The following NCAPG variants were observed in gnomAD, a reference collection of about 807,000 sequenced individuals.
NCAPG encodes condensin complex subunit 3.
Under a neutral mutation model 113.1 loss-of-function variants are expected in NCAPG, and 69 were observed. That is an observed-to-expected ratio of 0.61 (90% CI 0.50 to 0.75). The LOEUF is 0.75. NCAPG is among the 30% of genes least tolerant of loss of function. The pLI, the probability that NCAPG is intolerant of heterozygous loss-of-function variation, is 0.00. For missense variants in NCAPG, 1,058 were observed against 1,177.0 expected (o/e 0.90, Z 1.48); for synonymous variants, 370 against 415.8 (o/e 0.89, Z 1.34).
At chr4:17,833,581 T>C (rs545907366) in intron 13 of NCAPG, among the ~76,000 whole-genome samples, 30 of 151,622 alleles carry the variant, frequency 2.0e-4, no homozygotes, top group Non-Finnish European at 3.7e-4. Context: ...TTTTAATATC[T>C]TAATTAAATC....
Position 17,840,167 on chromosome 4 carries a change from C to A in NCAPG, c.2725C>A (p.Gln909Lys). 6.2e-7 allele frequency: 1 copy of A among 1,610,150 alleles called. No homozygotes were observed. The highest frequency in any genetic ancestry group is 8.5e-7 in the Non-Finnish European group (1 of 1,178,444). The change falls in exon 18 of 21, where the codon CAG becomes AAG. Residue 909 changes from glutamine to lysine, a missense_variant. Transcript: ENST00000251496. ...KEFGDQAEAA[Q>K]DATLTTTTFQ... The stretch of plus-strand genomic sequence containing the variant: ...ATTTGGTGACCAAGCTGAAGCAGCA[C>A]AGGATGCCACCTTGACTACAACTAC...
Position 17,825,002 on chromosome 4 carries a change from T to C in NCAPG, c.1418T>C (p.Ile473Thr). The change falls in exon 10 of 21, where the codon ATT becomes ACT. Residue 473 changes from isoleucine (I) to threonine (T), a missense_variant. By Grantham distance (89) the Ile-to-Thr change is moderately conservative. Coordinates refer to ENST00000251496, the MANE Select transcript of NCAPG (RefSeq NM_022346.5). Reference sequence around the variant, plus strand: ...ATTATCTCAGAGATTCGGGCGCCCATTGTTACTGTTGGTGTTAATAACGAT... The same window carrying C: ...ATTATCTCAGAGATTCGGGCGCCCACTGTTACTGTTGGTGTTAATAACGAT... ...TEIISEIRAP[I>T]VTVGVNNDPA... 6.2e-7 allele frequency: 1 copy of C among 1,612,912 alleles called. No homozygotes were observed. Among genetic ancestry groups the C allele is most frequent in the South Asian group, 1.1e-5 (1 of 90,998 alleles).
chr4:17,838,498 G>A (rs967744657), intron 16 of NCAPG, among the ~76,000 whole-genome samples: 1 of 152,118 alleles, frequency 6.6e-6, no homozygotes, highest in African/African-American at 2.4e-5. Context: ...TTGAGACAAG[G>A]GCAAGAGTCA....
At chr4:17,831,541 G>C (rs1721869414) in intron 13 of NCAPG, among the ~76,000 whole-genome samples, 2 of 152,092 alleles carry the variant, frequency 1.3e-5, no homozygotes, top group Non-Finnish European at 2.9e-5. Context: ...TTAAGCAGTG[G>C]GAAGGAGGAG....
chr4:17,826,138 T>C (rs1721649832), intron 11 of NCAPG, among the ~76,000 whole-genome samples: 1 of 152,144 alleles, frequency 6.6e-6, no homozygotes, highest in Non-Finnish European at 1.5e-5. Context: ...AAATGGAGTA[T>C]GTCTTTCCTT....
intron 10 of NCAPG, 109 bp from the exon 11 acceptor site, chr4:17,825,273 C>T (rs141944668): frequency 1.6e-5 from 16 of 1,009,332 alleles, no homozygotes; most frequent in Non-Finnish European, 7.2e-6. Context: ...ATATGCCTGA[C>T]TCATTAAATT....
intron 16 of NCAPG, 101 bp downstream of exon 16, chr4:17,837,902 CTTCT>C: frequency 7.7e-7 from 1 of 1,294,860 alleles, no homozygotes; most frequent in Non-Finnish European, 1.1e-6. Flanking sequence ...GGTCTTTAGA[CTTCT>C]GTCTCAAGCA....
intron 20 of NCAPG, chr4:17,842,617 G>T: frequency 2.5e-6 from 1 of 396,758 alleles, no homozygotes; most frequent in South Asian, 3.5e-5. Flanking sequence ...TTAATATGTT[G>T]TTTCAATTTT....
In NCAPG at chr4:17,839,675, G is replaced by A; in HGVS notation, c.2467-1G>A. The A allele has an allele frequency of 6.6e-7, 1 of 1,505,816 alleles. No homozygotes were observed. Among genetic ancestry groups the A allele is most frequent in the Non-Finnish European group, 8.8e-7 (1 of 1,133,108 alleles). The allele number at this position is 1,505,816 out of a possible 1,614,324, so 93.3% of individuals were successfully genotyped here. ...CAGAGAATTTTCTCTTAATTTTTTA[G>A]GCCTTAACAGTACATGACAATTTGG... On this transcript the variant is annotated splice_acceptor_variant, in intron 16 of 20. Transcript: ENST00000251496. LOFTEE classifies it high-confidence loss of function.
At chr4:17,815,407 C>T (rs1435516327) in intron 5 of NCAPG, 49 bp downstream of exon 5, 3 of 1,364,770 alleles carry the variant, frequency 2.2e-6, no homozygotes, top group African/African-American at 1.5e-5. Context: ...ATTTTGAGGT[C>T]AGACTTAACA....
intron 9 of NCAPG, among the ~76,000 whole-genome samples, chr4:17,824,376 T>G (rs1327003475): frequency 1.3e-5 from 2 of 152,118 alleles, no homozygotes; most frequent in East Asian, 3.9e-4. Context: ...GCAGGTTAAT[T>G]CACAGATCAT....
chr4:17,819,245 C>T (rs1721348662), intron 7 of NCAPG, among the ~76,000 whole-genome samples: 2 of 152,006 alleles, frequency 1.3e-5, no homozygotes, highest in South Asian at 4.1e-4. Context: ...TTCCATTTTT[C>T]ACTGATAAAA....
At chr4:17,839,622 T>C (rs1345796087) in intron 16 of NCAPG, 54 bp from the exon 17 acceptor site, 63 of 1,241,482 alleles carry the variant, frequency 5.1e-5, no homozygotes, top group Non-Finnish European at 6.6e-5. Context: ...TGTAAGACTA[T>C]ATAATAATCA....
chr4:17,815,202 A>T (rs2109043756), intron 4 of NCAPG, 72 bp from the exon 5 acceptor site: 2 of 1,375,134 alleles, frequency 1.5e-6, no homozygotes, highest in Admixed American at 4.5e-5. Flanking sequence ...TAATTTTCTA[A>T]GATGGTGATA....
chr4:17,813,635 T>C (rs1045925543), intron 3 of NCAPG, among the ~76,000 whole-genome samples: 29 of 150,356 alleles, frequency 1.9e-4, no homozygotes, highest in African/African-American at 6.9e-4. Flanking sequence ...GTTATATGAA[T>C]TGTAGATCTC....
rs747155737 is a variant in NCAPG at position 17,823,734 on chromosome 4, C to T, written c.1347C>T (p.Leu449=). 41 of 1,596,320 alleles carry T rather than the reference C, an allele frequency of 2.6e-5. No individual in the cohort carries two copies. The highest frequency in any genetic ancestry group is 3.3e-5 in the Non-Finnish European group (39 of 1,164,590). The change falls in exon 9 of 21, where the codon CTC becomes CTT. Residue 449 remains leucine, a synonymous_variant. Coordinates refer to ENST00000251496, the MANE Select transcript of NCAPG (RefSeq NM_022346.5). ...SLVSFLVERL[L]HIIIDDNKRT... is the part of the protein sequence containing the mutation. ...TTTCTTTTCTTGTTGAAAGACTACT[C>T]CACATCATTATAGATGATAATAAGA...
At position 17,812,205 on chromosome 4, in the gene NCAPG, T is replaced by G; in HGVS notation, c.112-16T>G. On this transcript the variant is annotated splice_polypyrimidine_tract_variant and intron_variant, in intron 1 of 20. Transcript: ENST00000251496. ...TTTATCGGTGCAGTTTATGAAGGGT[T>G]TCTTTTGTCTTTCAGATGGATGATA... 6.2e-7 allele frequency: 1 copy of G among 1,604,688 alleles called. No homozygotes were observed. Among genetic ancestry groups the G allele is most frequent in the Non-Finnish European group, 8.5e-7 (1 of 1,173,036 alleles).
Position 17,843,451 on chromosome 4 carries a change from T to TAA in NCAPG, c.*27_*28dup. The TAA allele has an allele frequency of 6.2e-7, 1 of 1,607,442 alleles. No individual in the cohort carries two copies. Among genetic ancestry groups the TAA allele is most frequent in the Non-Finnish European group, 8.5e-7 (1 of 1,175,500 alleles). ...GAAAGACGATGGAGGTGGAATCCTT[T>TAA]AAGATTATGTCCAGTTATTTGCTTT... On this transcript the variant is annotated 3_prime_UTR_variant, in exon 21 of 21. Transcript: ENST00000251496.
At chr4:17,841,071 T>G (rs1722353449) in intron 19 of NCAPG, 2 of 153,350 alleles carry the variant, frequency 1.3e-5, no homozygotes, top group Admixed American at 1.3e-4. Context: ...TTTGTTTTCC[T>G]TCTATTCCCA....
Sources: allele counts gnomAD v4.1 joint callset (sites outside exome capture counted in the v4.1 genomes callset), GRCh38; gene constraint gnomAD v4.1.1; transcripts MANE v1.5; gene names NCBI Gene and HGNC (gene_info 2026-07-23, HGNC 2026-07-21).